The following CFAP20DC variants were observed in gnomAD, a reference collection of about 807,000 sequenced individuals.
The protein encoded by CFAP20DC is protein CFAP20DC.
Under a neutral mutation model 101.7 loss-of-function variants are expected in CFAP20DC, and 84 were observed. That is an observed-to-expected ratio of 0.83 (90% CI 0.69 to 0.99). CFAP20DC has a LOEUF of 0.99. CFAP20DC is among the 50% of genes least tolerant of loss of function. The probability of loss-of-function intolerance (pLI) is 0.00; values close to 1 mark genes in which losing one functional copy is unlikely to be tolerated. For synonymous variants in CFAP20DC, 359 were observed against 351.2 expected (o/e 1.02, Z -0.25); for missense variants, 1,007 against 970.3 (o/e 1.04, Z -0.50).
At chr3:58,989,550 TAAGG>T (rs746223060) in intron 4 of CFAP20DC, among the ~76,000 whole-genome samples, 39 of 152,062 alleles carry the variant, frequency 2.6e-4, no homozygotes, top group African/African-American at 7.0e-4. Context: ...CCACTCTACC[TAAGG>T]AAGATAAAAT....
intron 5 of CFAP20DC, among the ~76,000 whole-genome samples, chr3:58,921,750 T>C (rs1169323774): frequency 6.6e-6 from 1 of 152,212 alleles, no homozygotes; most frequent in Non-Finnish European, 1.5e-5. Context: ...TGGTAGTGTT[T>C]TTCAAGTCTA....
Position 58,742,435 on chromosome 3 carries a change from C to T in CFAP20DC, c.*25G>A. ...GCTATTCTGCTCCAGCTGGGAGTGC[C>T]TGCTCTCTGCCCCGGAAGGAGGCAT... is the stretch of plus-strand genomic sequence containing the variant. On this transcript the variant is annotated 3_prime_UTR_variant, in exon 17 of 17. Transcript: ENST00000482387. The T allele has an allele frequency of 6.3e-7, 1 of 1,575,366 alleles. No homozygotes were observed. The highest frequency in any genetic ancestry group is 8.6e-7 in the Non-Finnish European group (1 of 1,160,544).
intron 15 of CFAP20DC, among the ~76,000 whole-genome samples, chr3:58,784,449 T>C (rs2072134614): frequency 6.6e-6 from 1 of 152,048 alleles, no homozygotes; most frequent in Admixed American, 6.5e-5. Flanking sequence ...GGATCATTCA[T>C]ACCCCAAACC....
intron 15 of CFAP20DC, among the ~76,000 whole-genome samples, chr3:58,763,926 T>C (rs926900073): frequency 3.3e-5 from 5 of 152,192 alleles, no homozygotes; most frequent in Admixed American, 6.5e-5. Flanking sequence ...TACCTGGCCA[T>C]GTGAGGTGTC....
chr3:58,843,173 G>C (rs909654160), intron 13 of CFAP20DC, among the ~76,000 whole-genome samples: 2 of 152,186 alleles, frequency 1.3e-5, no homozygotes, highest in African/African-American at 4.8e-5. Flanking sequence ...GAATGACTTT[G>C]ATGAGCTGAG....
chr3:58,788,037 G>C lies in CFAP20DC; in HGVS notation c.2237+18358C>G, dbSNP rs2072523839. ...AGCATTAGGAGAAACACCTAATGTA[G>C]ATGATGGGTTGATAGGTGCAGCAAA... is the stretch of plus-strand genomic sequence containing the variant. On this transcript the variant is annotated intron_variant, in intron 15 of 16. Transcript: ENST00000482387. The surrounding 1 kb of genome is among the most constrained non-coding windows in gnomAD (Gnocchi z 4.2). Among the ~76,000 whole-genome samples, 1 of 151,906 alleles carries C rather than the reference G, an allele frequency of 6.6e-6. No individual in the cohort carries two copies. The highest frequency in any genetic ancestry group is 6.6e-5 in the Admixed American group (1 of 15,222).
At chr3:58,808,794 A>G (rs545514500) in intron 14 of CFAP20DC, among the ~76,000 whole-genome samples, 2 of 152,322 alleles carry the variant, frequency 1.3e-5, no homozygotes, top group African/African-American at 4.8e-5. Flanking sequence ...GTCAAGACCC[A>G]TCAGTGTGCT....
intron 12 of CFAP20DC, among the ~76,000 whole-genome samples, chr3:58,856,914 G>C (rs773457329): frequency 6.6e-6 from 1 of 152,096 alleles, no homozygotes; most frequent in Non-Finnish European, 1.5e-5. Context: ...TGGGATTTCT[G>C]TGATCAAAAG....
At chr3:58,785,757 T>C (rs1477080706) in intron 15 of CFAP20DC, among the ~76,000 whole-genome samples, 1 of 152,012 alleles carries the variant, frequency 6.6e-6, no homozygotes. Context: ...GACCTAAAAA[T>C]TGTTTTCGAG....
intron 12 of CFAP20DC, among the ~76,000 whole-genome samples, chr3:58,860,175 C>CAAAAAAAAAAAAAAAAAA (rs10575757): frequency 1.3e-5 from 1 of 78,190 alleles, no homozygotes. Context: ...AACTCCATCT[C>CAAAAAAAAAAAAAAAAAA]AAAAAAAAAA....
chr3:58,759,385 G>C (rs1041306779), intron 15 of CFAP20DC, among the ~76,000 whole-genome samples: 40 of 152,140 alleles, frequency 2.6e-4, no homozygotes, highest in African/African-American at 9.2e-4. Context: ...TGATGGGGTT[G>C]TTTTTTTCTT....
intron 4 of CFAP20DC, among the ~76,000 whole-genome samples, chr3:58,949,818 T>C (rs1242490019): frequency 6.6e-6 from 1 of 152,212 alleles, no homozygotes; most frequent in African/African-American, 2.4e-5. Flanking sequence ...AGTATCATAC[T>C]GAATGGGCAA....
chr3:58,767,006 A>G (rs1291597311), intron 15 of CFAP20DC, among the ~76,000 whole-genome samples: 2 of 152,196 alleles, frequency 1.3e-5, no homozygotes, highest in Admixed American at 1.3e-4. Context: ...GTCTCAGCTC[A>G]TAATTACAAC....
At chr3:58,781,611 T>C (rs1273008419) in intron 15 of CFAP20DC, among the ~76,000 whole-genome samples, 5 of 151,954 alleles carry the variant, frequency 3.3e-5, no homozygotes, top group African/African-American at 1.2e-4. Context: ...ATATTACAAT[T>C]GTTACCATGG....
At chr3:58,963,919 G>A (rs1442378848) in intron 4 of CFAP20DC, among the ~76,000 whole-genome samples, 1 of 152,248 alleles carries the variant, frequency 6.6e-6, no homozygotes, top group Non-Finnish European at 1.5e-5. Context: ...CAGCATTTAT[G>A]TTAAAATAGA....
At chr3:58,890,375 A>C (rs2082081201) in intron 6 of CFAP20DC, among the ~76,000 whole-genome samples, 3 of 118,112 alleles carry the variant, frequency 2.5e-5, no homozygotes, top group Middle Eastern at 8.5e-3. Context: ...ACTTCCCAGT[A>C]GGGGCGGCCG....
chr3:58,928,942 G>T (rs1369790402), intron 5 of CFAP20DC, among the ~76,000 whole-genome samples: 1 of 151,822 alleles, frequency 6.6e-6, no homozygotes, highest in African/African-American at 2.4e-5. Context: ...TCTCTATTGA[G>T]CCACTTGCCC....
rs915141040 is a variant in CFAP20DC, at chr3:59,049,898, G to A, written c.-267C>T. On this transcript the variant is annotated 5_prime_UTR_variant, in exon 1 of 17. Transcript: ENST00000482387. Reference sequence around the variant, plus strand: ...GGGCGCAGCTGCCTGGACGGACTCCGGGCCGTCCCTGGGGAGTGATTGTGT... The same window carrying A: ...GGGCGCAGCTGCCTGGACGGACTCCAGGCCGTCCCTGGGGAGTGATTGTGT... 7.2e-6 allele frequency: 4 copies of A among 553,268 alleles called. No individual in the cohort carries two copies. The highest frequency in any genetic ancestry group is 1.3e-5 in the Non-Finnish European group (4 of 311,276). The allele number at this position is 553,268 out of a possible 1,614,324, so 34.3% of individuals were successfully genotyped here.
chr3:58,737,204 G>T (rs935175122), downstream of CFAP20DC: 3 of 456,292 alleles, frequency 6.6e-6, no homozygotes, highest in Admixed American at 2.4e-5. This position sits in a 1 kb window ranked among gnomAD's most constrained non-coding sequence, Gnocchi z 4.1. Flanking sequence ...GTTACAGCCT[G>T]GTCAGGAGTG....
Sources: allele counts gnomAD v4.1 joint callset (sites outside exome capture counted in the v4.1 genomes callset), GRCh38; gene constraint gnomAD v4.1.1; non-coding constraint Gnocchi (gnomAD v3.1); transcripts MANE v1.5; gene names NCBI Gene and HGNC (gene_info 2026-07-23, HGNC 2026-07-21).